Variants in DAB1 observed in about 807,000 individuals in gnomAD.
The protein encoded by DAB1 is disabled homolog 1.
A neutral mutation model predicts 64.6 loss-of-function variants in DAB1; 15 were observed. The ratio of observed to expected loss-of-function variants is 0.23; its 90% confidence interval spans 0.16 to 0.36. DAB1 has a LOEUF of 0.36. Ranked by LOEUF, DAB1 falls within the 10% of genes least tolerant of loss-of-function variation. DAB1 has a pLI of 1.00. For synonymous variants in DAB1, 235 were observed against 251.9 expected, an observed-to-expected ratio of 0.93 and a Z score of 0.64; for missense variants, 596 against 706.7, an observed-to-expected ratio of 0.84 and a Z score of 1.78.
intron 6 of DAB1, among the ~76,000 whole-genome samples, chr1:57,764,581 G>T (rs1385414673): frequency 1.3e-5 from 2 of 152,074 alleles, no homozygotes; most frequent in Non-Finnish European, 2.9e-5. Context: ...TATCCGTCTT[G>T]TCCTCCTACC....
chr1:57,267,376 C>T (rs1480570920), intron 2 of DAB1, among the ~76,000 whole-genome samples: 1 of 152,192 alleles, frequency 6.6e-6, no homozygotes, highest in East Asian at 1.9e-4. Context: ...TAATGTGTTA[C>T]AACAGCCTCA....
chr1:57,112,628 A>G (rs1655770278), intron 4 of DAB1, among the ~76,000 whole-genome samples: 1 of 152,182 alleles, frequency 6.6e-6, no homozygotes, highest in Admixed American at 6.5e-5. Context: ...CATGAGTAAC[A>G]ATTCCTTTGC....
intron 5 of DAB1, among the ~76,000 whole-genome samples, chr1:58,026,639 A>C (rs1463608326): frequency 6.6e-6 from 1 of 152,198 alleles, no homozygotes; most frequent in Non-Finnish European, 1.5e-5. Flanking sequence ...AAGAATCCTC[A>C]AGCTAACTTA....
chr1:58,450,971 G>T lies in DAB1; in HGVS notation n.257+55089C>A, dbSNP rs866344220. Among the ~76,000 whole-genome samples the T allele has an allele frequency of 3.9e-4, 60 of 152,276 alleles. No homozygotes were observed. The Middle Eastern group carries it at 0.01, about 26-fold the overall frequency. On this transcript the variant is annotated intron_variant and non_coding_transcript_variant, in intron 3 of 20. Coordinates refer to the DAB1 transcript ENST00000485760. ...TTGAGGGAGATTTTACAAAATACCT[G>T]ACCGGTACTCACCAAAATTGCCAAG...
intron 5 of DAB1, among the ~76,000 whole-genome samples, chr1:58,023,195 T>C (rs1005407356): frequency 6.6e-6 from 1 of 152,014 alleles, no homozygotes; most frequent in Non-Finnish European, 1.5e-5. Flanking sequence ...AAATTTAAAA[T>C]AAACCTCTCC....
intron 3 of DAB1, among the ~76,000 whole-genome samples, chr1:58,421,526 G>C (rs1424976545): frequency 6.6e-6 from 1 of 152,196 alleles, no homozygotes; most frequent in African/African-American, 2.4e-5. Context: ...AAGTGAAGGG[G>C]TCCCATGGGA....
chr1:57,312,416 G>A (rs989684391), intron 1 of DAB1, among the ~76,000 whole-genome samples: 12 of 151,718 alleles, frequency 7.9e-5, no homozygotes, highest in African/African-American at 2.7e-4. Context: ...CGAGAGTTTA[G>A]AAATAACCTA....
intron 6 of DAB1, among the ~76,000 whole-genome samples, chr1:57,756,508 A>C (rs1354494393): frequency 6.6e-6 from 1 of 152,086 alleles, no homozygotes; most frequent in Non-Finnish European, 1.5e-5. Context: ...AGGAATTCAG[A>C]CTTTATCCTA....
chr1:57,823,143 C>T (rs981029374), downstream of DAB1, among the ~76,000 whole-genome samples: 1 of 151,910 alleles, frequency 6.6e-6, no homozygotes, highest in Non-Finnish European at 1.5e-5. Context: ...TGCCTTCACA[C>T]CTGGCTAATT....
chr1:57,033,394 C>T, intron 9 of DAB1: 1 of 1,612,868 alleles, frequency 6.2e-7, no homozygotes, highest in Non-Finnish European at 8.5e-7. Context: ...ACCTTCGTTG[C>T]CTCAAAAATC....
chr1:58,181,962 C>A (rs990100414), intron 4 of DAB1, among the ~76,000 whole-genome samples: 1 of 152,000 alleles, frequency 6.6e-6, no homozygotes, highest in Non-Finnish European at 1.5e-5. Context: ...ACTTTCTTTA[C>A]TCTTTCTCGT....
At chr1:57,850,405 G>A (rs764936844) in intron 1 of DAB1, among the ~76,000 whole-genome samples, 2 of 151,726 alleles carry the variant, frequency 1.3e-5, no homozygotes, top group African/African-American at 4.8e-5. Context: ...GTAAAAAGGC[G>A]CAGAGGTGAG....
chr1:57,923,399 C>T (rs1644837342), intron 5 of DAB1, among the ~76,000 whole-genome samples: 1 of 152,170 alleles, frequency 6.6e-6, no homozygotes, highest in Middle Eastern at 3.2e-3. Flanking sequence ...ATCAGTATGG[C>T]AGGGCACACC....
At chr1:57,011,010 T>C (rs1477926050) in intron 13 of DAB1, 135 bp downstream of exon 13, 2 of 1,209,970 alleles carry the variant, frequency 1.7e-6, no homozygotes, top group Non-Finnish European at 2.3e-6. Flanking sequence ...AAAGCCCCTT[T>C]AGCAACCCCT....
At chr1:58,240,345 C>T (rs988086188) in intron 4 of DAB1, among the ~76,000 whole-genome samples, 1 of 152,142 alleles carries the variant, frequency 6.6e-6, no homozygotes, top group East Asian at 1.9e-4. Context: ...GACTTCTTTT[C>T]TTCCTTTTTG....
chr1:56,999,087 G>C (rs1054886740), intron 14 of DAB1, among the ~76,000 whole-genome samples: 2 of 151,972 alleles, frequency 1.3e-5, no homozygotes, highest in African/African-American at 4.8e-5. Flanking sequence ...TGATATATTA[G>C]CTTGTCCCCT....
At chr1:57,037,396 T>C (rs1046876246) in intron 9 of DAB1, among the ~76,000 whole-genome samples, 2 of 152,198 alleles carry the variant, frequency 1.3e-5, no homozygotes, top group East Asian at 1.9e-4. Context: ...AGCTATGCTG[T>C]ATAATCTTTG....
intron 3 of DAB1, among the ~76,000 whole-genome samples, chr1:58,364,606 A>G (rs890435694): frequency 5.9e-5 from 9 of 152,204 alleles, no homozygotes; most frequent in African/African-American, 1.9e-4. Context: ...TTACTCCCGA[A>G]TATTCTGTAA....
At chr1:58,539,709 C>T (rs1365844755) in intron 1 of DAB1, among the ~76,000 whole-genome samples, 1 of 152,146 alleles carries the variant, frequency 6.6e-6, no homozygotes, top group Non-Finnish European at 1.5e-5. Context: ...ATAAAATGCA[C>T]TGGACATTAC....
Sources: gnomAD v4.1 joint callset for allele counts (sites outside exome capture counted in the v4.1 genomes callset) on GRCh38, gnomAD v4.1.1 for gene constraint, MANE v1.5 for transcripts, NCBI Gene and HGNC (gene_info 2026-07-23, HGNC 2026-07-21) for gene names.